Variants in RAP1GDS1 observed in about 807,000 individuals in gnomAD.
The protein encoded by RAP1GDS1 is Rap1 GTPase-GDP dissociation stimulator 1.
In RAP1GDS1, 35 loss-of-function variants were observed where a neutral mutation model predicts 71.1. The observed-to-expected ratio is 0.49, with a 90% CI of 0.38 to 0.65. RAP1GDS1 has a LOEUF of 0.65. Ranked by LOEUF, RAP1GDS1 falls within the 30% of genes least tolerant of loss-of-function variation. The pLI is 0.00. For missense variants in RAP1GDS1, 663 were observed against 706.1 expected (o/e 0.94, Z 0.69); for synonymous variants, 229 against 243.1 (o/e 0.94, Z 0.54).
rs527545977 is a variant in RAP1GDS1 at position 98,333,603 on chromosome 4, A to G, written c.113-9536A>G. ...ATGAATATCTATTACTTAATTTAAC[A>G]TAACAGTGGGAATTTAGATTGCCTG... is the stretch of plus-strand genomic sequence containing the variant. On this transcript the variant is annotated intron_variant, in intron 2 of 14. Coordinates refer to ENST00000408927, the MANE Select transcript of RAP1GDS1 (RefSeq NM_001100427.2). Among the ~76,000 whole-genome samples the G allele has an allele frequency of 2.8e-4, 42 of 152,196 alleles. No homozygotes were observed. The South Asian group carries it at 7.9e-3, about 28-fold the overall frequency.
At chr4:98,323,378 TTC>T (rs1732323037) in intron 2 of RAP1GDS1, among the ~76,000 whole-genome samples, 1 of 129,810 alleles carries the variant, frequency 7.7e-6, no homozygotes, top group Admixed American at 7.8e-5. Flanking sequence ...TCTGAAACTA[TTC>T]CAATCAATAG....
At chr4:98,297,865 G>A (rs1165993515) in intron 2 of RAP1GDS1, among the ~76,000 whole-genome samples, 1 of 152,206 alleles carries the variant, frequency 6.6e-6, no homozygotes, top group Non-Finnish European at 1.5e-5. Context: ...GCGGAGGCAG[G>A]TTGAAAGCAA....
At chr4:98,377,520 A>G (rs1323857589) in intron 4 of RAP1GDS1, among the ~76,000 whole-genome samples, 2 of 151,898 alleles carry the variant, frequency 1.3e-5, no homozygotes, top group Admixed American at 6.6e-5. Flanking sequence ...TCTTTATAAC[A>G]ATACAGTAAA....
intron 2 of RAP1GDS1, among the ~76,000 whole-genome samples, chr4:98,303,727 C>A (rs1728913466): frequency 6.6e-6 from 1 of 151,602 alleles, no homozygotes; most frequent in East Asian, 1.9e-4. Context: ...TTCTGGAATA[C>A]ATGTGCAGGG....
chr4:98,275,922 T>C (rs1179316484), intron 1 of RAP1GDS1, among the ~76,000 whole-genome samples: 2 of 152,188 alleles, frequency 1.3e-5, no homozygotes, highest in Non-Finnish European at 2.9e-5. Context: ...TTTTAACAGA[T>C]GTTCTTTCCC....
At chr4:98,376,829 T>C (rs377734511) in intron 4 of RAP1GDS1, among the ~76,000 whole-genome samples, 1 of 152,104 alleles carries the variant, frequency 6.6e-6, no homozygotes, top group East Asian at 1.9e-4. Flanking sequence ...AGCTGTGTTA[T>C]AGACAATTCA....
At chr4:98,379,946 C>T (rs1219443281) in intron 5 of RAP1GDS1, among the ~76,000 whole-genome samples, 1 of 151,770 alleles carries the variant, frequency 6.6e-6, no homozygotes, top group African/African-American at 2.4e-5. Flanking sequence ...TTGGCAGAGA[C>T]ATTTTATTTG....
chr4:98,402,446 T>G (rs1745563490), intron 6 of RAP1GDS1, among the ~76,000 whole-genome samples: 2 of 152,144 alleles, frequency 1.3e-5, no homozygotes, highest in African/African-American at 4.8e-5. Flanking sequence ...AGGGTTTCAG[T>G]ATCTTATTGG....
At position 98,401,095 on chromosome 4, in the gene RAP1GDS1, T is replaced by C. The variant is rs115029752; in HGVS notation, c.638-3382T>C. 7.3e-3 allele frequency among the ~76,000 whole-genome samples: 1,115 copies of C among 152,274 alleles called. 19 individuals carry two copies. Among genetic ancestry groups the C allele is most frequent in the African/African-American group, 0.026 (1,073 of 41,560 alleles). On this transcript the variant is annotated intron_variant, in intron 6 of 14. Coordinates refer to ENST00000408927, the MANE Select transcript of RAP1GDS1 (RefSeq NM_001100427.2). ...AAGAATCCCAAGTATTACAGTGATG[T>C]TATCGTCCCATGTGGCATGCTTTCA... is the stretch of plus-strand genomic sequence containing the variant.
intron 14 of RAP1GDS1, chr4:98,441,702 G>C: frequency 1.2e-6 from 1 of 815,524 alleles, no homozygotes; most frequent in South Asian, 5.6e-5. Flanking sequence ...AGGAGTTTGA[G>C]GCTGCAGTAA....
intron 7 of RAP1GDS1, among the ~76,000 whole-genome samples, chr4:98,416,459 G>A (rs1000457018): frequency 6.4e-5 from 9 of 140,874 alleles, no homozygotes; most frequent in Non-Finnish European, 1.2e-4. Flanking sequence ...CCATTCTCCT[G>A]CCTCAGCCTC....
chr4:98,352,595 G>A lies in RAP1GDS1; in HGVS notation c.355G>A (p.Asp119Asn), dbSNP rs753804567. ...TGRALGNICY[D>N]SHEGRSAVDQ... Reference sequence around the variant, plus strand: ...CAGGGCTCTAGGAAACATATGTTACGATAGCCGTAAGTGTTGACATCTCAA... The same window carrying A: ...CAGGGCTCTAGGAAACATATGTTACAATAGCCGTAAGTGTTGACATCTCAA... The change falls in exon 4 of 15, where the codon GAT becomes AAT. Residue 119 changes from aspartate (D) to asparagine (N), a missense_variant. Physicochemically the swap from Asp to Asn is conservative, Grantham distance 23. Coordinates refer to ENST00000408927, the MANE Select transcript of RAP1GDS1 (RefSeq NM_001100427.2). 3.7e-6 allele frequency: 6 copies of A among 1,613,462 alleles called. No homozygotes were observed. Among genetic ancestry groups the A allele is most frequent in the Non-Finnish European group, 5.1e-6 (6 of 1,179,804 alleles).
intron 5 of RAP1GDS1, 43 bp from the exon 6 acceptor site, chr4:98,391,909 C>T (rs758880768): frequency 6.5e-7 from 1 of 1,529,496 alleles, no homozygotes; most frequent in Non-Finnish European, 8.8e-7. Context: ...TTTGACATGT[C>T]AACACTTTCT....
At chr4:98,330,217 T>C (rs1253988336) in intron 2 of RAP1GDS1, among the ~76,000 whole-genome samples, 7 of 152,248 alleles carry the variant, frequency 4.6e-5, no homozygotes, top group Non-Finnish European at 1.0e-4. Flanking sequence ...CTATGTCTAC[T>C]TCTTTCTACA....
chr4:98,410,890 T>C (rs1746967255), intron 7 of RAP1GDS1, among the ~76,000 whole-genome samples: 1 of 152,124 alleles, frequency 6.6e-6, no homozygotes, highest in Non-Finnish European at 1.5e-5. Context: ...TTGAGACAAA[T>C]GAAGGAAGGG....
chr4:98,360,950 T>C (rs962308818), intron 4 of RAP1GDS1, among the ~76,000 whole-genome samples: 2 of 151,798 alleles, frequency 1.3e-5, no homozygotes, highest in African/African-American at 2.4e-5. Flanking sequence ...TAGCCAGGCA[T>C]GGTGGCATAT....
chr4:98,267,488 TCC>T (rs1722858733), intron 1 of RAP1GDS1, among the ~76,000 whole-genome samples: 1 of 152,138 alleles, frequency 6.6e-6, no homozygotes, highest in South Asian at 2.1e-4. Flanking sequence ...AGCCCTTGCC[TCC>T]CTCCATTTGT....
intron 4 of RAP1GDS1, among the ~76,000 whole-genome samples, chr4:98,367,787 A>G (rs1739730861): frequency 6.6e-6 from 1 of 152,178 alleles, no homozygotes. Context: ...CCCATTTGGA[A>G]TGGTTGTGTT....
intron 3 of RAP1GDS1, among the ~76,000 whole-genome samples, chr4:98,348,640 CTT>C (rs1736673930): frequency 6.6e-6 from 1 of 152,164 alleles, no homozygotes; most frequent in Non-Finnish European, 1.5e-5. Flanking sequence ...TGTTTCCTGA[CTT>C]TTTAATGATC....
Sources: gnomAD v4.1 joint callset for allele counts (sites outside exome capture counted in the v4.1 genomes callset) on GRCh38, gnomAD v4.1.1 for gene constraint, MANE v1.5 for transcripts, NCBI Gene and HGNC (gene_info 2026-07-23, HGNC 2026-07-21) for gene names.